Variants in PCSK2 observed in about 807,000 individuals in gnomAD.
PCSK2 encodes the protein neuroendocrine convertase 2.
In PCSK2, 14 loss-of-function variants were observed where a neutral mutation model predicts 69.7. The observed-to-expected ratio is 0.20, with a 90% CI of 0.13 to 0.31. PCSK2 has a LOEUF of 0.31. PCSK2 is among the 10% of genes least tolerant of loss of function. The pLI is 1.00. For synonymous variants in PCSK2, 307 were observed against 320.7 expected (o/e 0.96, Z 0.46); for missense variants, 544 against 842.5 (o/e 0.65, Z 4.39).
intron 5 of PCSK2, among the ~76,000 whole-genome samples, chr20:17,380,424 A>G (rs2031056984): frequency 6.6e-6 from 1 of 152,206 alleles, no homozygotes; most frequent in Non-Finnish European, 1.5e-5. Flanking sequence ...AAATTTAGTG[A>G]GGAAGTTAAG....
At chr20:17,286,290 C>T (rs967058248) in intron 2 of PCSK2, among the ~76,000 whole-genome samples, 2 of 152,122 alleles carry the variant, frequency 1.3e-5, no homozygotes, top group African/African-American at 4.8e-5. Context: ...CCAGAATCAA[C>T]ATAATAGTGT....
chr20:17,243,459 CA>C (rs139977152), intron 1 of PCSK2, among the ~76,000 whole-genome samples: 11,699 of 152,248 alleles, frequency 0.077, 1,057 homozygotes, highest in African/African-American at 0.22. Flanking sequence ...CTCAGCCTCC[CA>C]AAGTGCTGGA....
At chr20:17,312,145 G>T (rs1989537932) in intron 2 of PCSK2, among the ~76,000 whole-genome samples, 1 of 152,134 alleles carries the variant, frequency 6.6e-6, no homozygotes, top group South Asian at 2.1e-4. Flanking sequence ...ACATTTTTCA[G>T]GTTTAGAGAC....
At chr20:17,255,347 T>G (rs1987135515) in intron 1 of PCSK2, among the ~76,000 whole-genome samples, 1 of 151,476 alleles carries the variant, frequency 6.6e-6, no homozygotes. Flanking sequence ...ATTCCTAATT[T>G]TTTTTTTTTT....
Position 17,437,874 on chromosome 20 carries a change from C to T in PCSK2, c.885+991C>T, listed in dbSNP as rs115693357. ...TTGAGCATCCATTACCAAACTGTTGCGTCTTCATGAGCTGTTCTGATGCAT... is the reference window on the plus strand; with the variant it reads ...TTGAGCATCCATTACCAAACTGTTGTGTCTTCATGAGCTGTTCTGATGCAT... On this transcript the variant is annotated intron_variant, in intron 8 of 11. Transcript: ENST00000262545. Among the ~76,000 whole-genome samples, 432 of 152,326 alleles carry T rather than the reference C, an allele frequency of 2.8e-3. 3 individuals are homozygous for T. Among genetic ancestry groups the T allele is most frequent in the African/African-American group, 1.0e-2 (414 of 41,564 alleles).
chr20:17,234,383 G>A (rs773751863), intron 1 of PCSK2, among the ~76,000 whole-genome samples: 1 of 152,182 alleles, frequency 6.6e-6, no homozygotes, highest in Non-Finnish European at 1.5e-5. Flanking sequence ...GGACCACAAG[G>A]TGGTGATTTG....
chr20:17,322,029 C>T (rs1600489871), intron 2 of PCSK2, among the ~76,000 whole-genome samples: 2 of 152,026 alleles, frequency 1.3e-5, no homozygotes, highest in South Asian at 2.1e-4. Flanking sequence ...AAAACTAACA[C>T]TGGTTAAACA....
chr20:17,370,358 A>T (rs1259048647), intron 5 of PCSK2, among the ~76,000 whole-genome samples: 3 of 152,162 alleles, frequency 2.0e-5, no homozygotes, highest in Admixed American at 2.0e-4. Flanking sequence ...AGAAAGGGGG[A>T]ATATTCCATG....
At chr20:17,324,390 A>G (rs1989975969) in intron 2 of PCSK2, among the ~76,000 whole-genome samples, 1 of 152,072 alleles carries the variant, frequency 6.6e-6, no homozygotes, top group African/African-American at 2.4e-5. Context: ...GCACCTACCT[A>G]CCTATTCTTA....
Position 17,341,780 on chromosome 20 carries a change from CA to C in PCSK2, c.283-16545del, listed in dbSNP as rs1990515748. Among the ~76,000 whole-genome samples the C allele has an allele frequency of 3.9e-5, 6 of 152,166 alleles. 1 individual carries two copies. On this transcript the variant is annotated intron_variant, in intron 2 of 11. Coordinates refer to ENST00000262545, the MANE Select transcript of PCSK2 (RefSeq NM_002594.5). ...AAACTGTTTTTAAGAGGGACAGACA[CA>C]AGAGTAGAATAACCACATGTGCTCT... is the stretch of plus-strand genomic sequence containing the variant.
At chr20:17,385,844 A>G (rs1406774920) in intron 5 of PCSK2, among the ~76,000 whole-genome samples, 1 of 152,238 alleles carries the variant, frequency 6.6e-6, no homozygotes, top group Non-Finnish European at 1.5e-5. Flanking sequence ...ATGAGTTAGA[A>G]CACATGAAGG....
rs775733001 is a variant in PCSK2, at chr20:17,483,823, G to A, written c.*1753G>A. On this transcript the variant is annotated 3_prime_UTR_variant, in exon 12 of 12. Coordinates refer to ENST00000262545, the MANE Select transcript of PCSK2 (RefSeq NM_002594.5). ...CAAGAAAAAATAAATGGAAATCATC[G>A]AAAATTCATTTCACATTAATGGTCT... 26 of 152,428 alleles carry A rather than the reference G, an allele frequency of 1.7e-4. No individual in the cohort carries two copies. Among genetic ancestry groups the A allele is most frequent in the African/African-American group, 4.8e-4 (20 of 41,388 alleles). The allele number at this position is 152,428 out of a possible 1,614,324, so 9.4% of individuals were successfully genotyped here.
intron 5 of PCSK2, among the ~76,000 whole-genome samples, chr20:17,387,198 C>T (rs2031258985): frequency 6.6e-6 from 1 of 152,154 alleles, no homozygotes; most frequent in Non-Finnish European, 1.5e-5. Context: ...TAGCAATATG[C>T]CTTCATGTTT....
intron 2 of PCSK2, among the ~76,000 whole-genome samples, chr20:17,297,651 A>G (rs1988940485): frequency 6.6e-6 from 1 of 152,186 alleles, no homozygotes; most frequent in Non-Finnish European, 1.5e-5. Context: ...ACAGGATATT[A>G]TTTGGTTCAG....
At position 17,457,036 on chromosome 20, in the gene PCSK2, A is replaced by G. The variant is rs116728451; in HGVS notation, c.1202+588A>G. Among the ~76,000 whole-genome samples, 983 of 152,280 alleles carry G rather than the reference A, an allele frequency of 6.5e-3. 13 individuals are homozygous for G. Among genetic ancestry groups the G allele is most frequent in the African/African-American group, 0.022 (934 of 41,544 alleles). On this transcript the variant is annotated intron_variant, in intron 10 of 11. Transcript: ENST00000262545. ...CCATCTCCTATGTCCTCACCATCCT[A>G]TGGAGAGGCCACATATTGCTACTGC...
chr20:17,445,633 G>A (rs1221520090), intron 8 of PCSK2, among the ~76,000 whole-genome samples: 4 of 152,170 alleles, frequency 2.6e-5, no homozygotes, highest in Admixed American at 2.0e-4. Flanking sequence ...GCGAGGGGAG[G>A]CCACAGTGCC....
intron 11 of PCSK2, among the ~76,000 whole-genome samples, chr20:17,470,132 G>A (rs777072436): frequency 1.4e-4 from 21 of 152,190 alleles, no homozygotes; most frequent in East Asian, 1.2e-3. Flanking sequence ...TGAAATGGGC[G>A]TTGACAACTG....
intron 7 of PCSK2, among the ~76,000 whole-genome samples, chr20:17,430,769 G>A (rs2032347561): frequency 6.6e-6 from 1 of 152,170 alleles, no homozygotes; most frequent in African/African-American, 2.4e-5. Context: ...TAAGGGAGGC[G>A]GGTTCTCTAC....
chr20:17,405,168 G>A (rs1336728452), intron 5 of PCSK2, among the ~76,000 whole-genome samples: 1 of 152,120 alleles, frequency 6.6e-6, no homozygotes, highest in Non-Finnish European at 1.5e-5. Flanking sequence ...TTGAAGATGA[G>A]GAAACTACAG....
Sources: gnomAD v4.1 joint callset for allele counts (sites outside exome capture counted in the v4.1 genomes callset) on GRCh38, gnomAD v4.1.1 for gene constraint, MANE v1.5 for transcripts, NCBI Gene and HGNC (gene_info 2026-07-23, HGNC 2026-07-21) for gene names.